Variants in RNF149 observed in about 807,000 individuals in gnomAD.
RNF149 encodes E3 ubiquitin-protein ligase RNF149.
RNF149 carries 21 observed loss-of-function variants against 39.0 expected under a neutral mutation model. The ratio of observed to expected loss-of-function variants is 0.54; its 90% CI spans 0.38 to 0.77. RNF149 has a LOEUF of 0.77. Ranked by LOEUF, RNF149 falls within the 30% of genes least tolerant of loss-of-function variation. RNF149 has a pLI of 0.00. For missense variants in RNF149, 493 were observed against 534.9 expected, an observed-to-expected ratio of 0.92 and a Z score of 0.77; for synonymous variants, 209 against 213.6, an observed-to-expected ratio of 0.98 and a Z score of 0.19.
downstream of RNF149, among the ~76,000 whole-genome samples, chr2:101,272,390 A>G (rs12621727): frequency 4.6e-5 from 7 of 152,246 alleles, no homozygotes; most frequent in East Asian, 1.3e-3. Context: ...CTCCAGCTGC[A>G]TGGCTGATTA....
chr2:101,279,547 C>T (rs1682492405), intron 6 of RNF149, among the ~76,000 whole-genome samples: 1 of 152,196 alleles, frequency 6.6e-6, no homozygotes, highest in Non-Finnish European at 1.5e-5. Flanking sequence ...CACTGGTATG[C>T]ACTCTGGCTC....
chr2:101,278,767 C>G (rs1682449688), intron 6 of RNF149, among the ~76,000 whole-genome samples: 1 of 152,212 alleles, frequency 6.6e-6, no homozygotes, highest in Non-Finnish European at 1.5e-5. Flanking sequence ...AGCTCTTGAA[C>G]TTGCTCCTAA....
downstream of RNF149, among the ~76,000 whole-genome samples, chr2:101,271,983 T>A (rs1682149147): frequency 6.6e-6 from 1 of 152,226 alleles, no homozygotes; most frequent in Admixed American, 6.5e-5. Context: ...CATGTCTCTT[T>A]TAAACAGTAT....
chr2:101,275,892 A>G lies in RNF149; in HGVS notation c.*1346T>C. ...TGAGGTTGTCTGCTAAAACCAACTC[A>G]GTGTGCAAAGCGAAATACATTTTCT... On this transcript the variant is annotated 3_prime_UTR_variant, in exon 7 of 7. Transcript: ENST00000295317. The G allele has an allele frequency of 1.0e-6, 1 of 985,366 alleles. No individual in the cohort carries two copies. The highest frequency in any genetic ancestry group is 1.1e-4 in the East Asian group (1 of 8,816). 61.0% of individuals were successfully genotyped at this position (985,366 alleles called of 1,614,324 possible). A position where few individuals can be genotyped will look rare whatever the true frequency, so the allele number is the denominator to read the frequency against.
Position 101,308,561 on chromosome 2 carries a change from C to A in RNF149, c.28G>T (p.Val10Phe), listed in dbSNP as rs759965838. Residue 10 changes from valine to phenylalanine, a missense_variant, in exon 1 of 7, where the codon GTC (valine) becomes TTC (phenylalanine). Transcript: ENST00000295317. ...AGAGCCAACACGCCGCGAGCCCCGA[C>A]GCTGGCTTCGCGCCGCCGCCACGCC... MAWRRREAS[V>F]GARGVLALAL... 2.5e-6 allele frequency: 4 copies of A among 1,577,578 alleles called. No homozygotes were observed. The Admixed American group carries it at 7.4e-5, about 29-fold the overall frequency.
At chr2:101,278,722 C>T (rs1682447472) in intron 6 of RNF149, among the ~76,000 whole-genome samples, 2 of 152,320 alleles carry the variant, frequency 1.3e-5, no homozygotes, top group South Asian at 4.1e-4. Context: ...ATACTATACA[C>T]TGTTATGAAC....
At chr2:101,286,754 T>C (rs1160368941) in intron 4 of RNF149, among the ~76,000 whole-genome samples, 2 of 152,230 alleles carry the variant, frequency 1.3e-5, no homozygotes, top group African/African-American at 2.4e-5. Flanking sequence ...TCCTGTGTGA[T>C]AGATCTATTT....
Position 101,308,167 on chromosome 2 carries a change from T to TC in RNF149, c.421dup (p.Glu141GlyfsTer24). On this transcript the variant is annotated frameshift_variant, in exon 1 of 7. Coordinates refer to ENST00000295317, the MANE Select transcript of RNF149 (RefSeq NM_173647.4). LOFTEE classifies it high-confidence loss of function. ...GGGCAAGGTGATGTTCCCGTAGCGC[T>TC]CCTCATTGTAGAGGACGACGGCCGA... is the stretch of plus-strand genomic sequence containing the variant. 6.2e-7 allele frequency: 1 copy of TC among 1,610,262 alleles called. No homozygotes were observed. The highest frequency in any genetic ancestry group is 1.1e-5 in the South Asian group (1 of 91,012).
intron 1 of RNF149, among the ~76,000 whole-genome samples, chr2:101,300,087 G>C (rs1050456179): frequency 1.3e-5 from 2 of 152,210 alleles, no homozygotes; most frequent in Admixed American, 1.3e-4. Flanking sequence ...TAAGAAAGCA[G>C]AGTAACAAAG....
chr2:101,308,173 T>C lies in RNF149; in HGVS notation c.416A>G (p.Asn139Ser), dbSNP rs143827530. 5,789 of 1,610,400 alleles carry C rather than the reference T, an allele frequency of 3.6e-3. 21 individuals are homozygous for C. The highest frequency in any genetic ancestry group is 4.6e-3 in the Non-Finnish European group (5,391 of 1,179,292). The change falls in exon 1 of 7, where the codon AAT (asparagine) becomes AGT (serine). Residue 139 changes from asparagine to serine, a missense_variant. Coordinates refer to ENST00000295317, the MANE Select transcript of RNF149 (RefSeq NM_173647.4). ...RRNASAVVLY[N>S]EERYGNITLP... The stretch of plus-strand genomic sequence containing the variant: ...GGTGATGTTCCCGTAGCGCTCCTCA[T>C]TGTAGAGGACGACGGCCGAGGCGTT...
rs1682331233 is a variant in RNF149 at position 101,275,919 on chromosome 2, C to T, written c.*1319G>A. 1.0e-6 allele frequency: 1 copy of T among 985,102 alleles called. No individual in the cohort carries two copies. Among genetic ancestry groups the T allele is most frequent in the African/African-American group, 1.7e-5 (1 of 57,224 alleles). The allele number at this position is 985,102 out of a possible 1,614,324, so 61.0% of individuals were successfully genotyped here. Reference sequence around the variant, plus strand: ...TGTGCAAAGCGAAATACATTTTCTACTTCAATAGCTCCTCATACTGCATCT... The same window carrying T: ...TGTGCAAAGCGAAATACATTTTCTATTTCAATAGCTCCTCATACTGCATCT... On this transcript the variant is annotated 3_prime_UTR_variant, in exon 7 of 7. Transcript: ENST00000295317.
chr2:101,293,252 A>T (rs1350226611), intron 3 of RNF149, among the ~76,000 whole-genome samples: 2 of 152,104 alleles, frequency 1.3e-5, no homozygotes, highest in Non-Finnish European at 2.9e-5. Context: ...TCTGAAGGGG[A>T]GTAGAGATTG....
At chr2:101,271,869 A>C (rs544518783), downstream of RNF149, 1 of 152,356 alleles carries the variant, frequency 6.6e-6, no homozygotes, top group African/African-American at 2.4e-5. Flanking sequence ...AGAAAGCTTT[A>C]AAGAAATGGT....
At position 101,308,433 on chromosome 2, in the gene RNF149, G is replaced by A; in HGVS notation, c.156C>T (p.Asn52=). The A allele has an allele frequency of 6.2e-7, 1 of 1,611,638 alleles. No homozygotes were observed. The highest frequency in any genetic ancestry group is 8.5e-7 in the Non-Finnish European group (1 of 1,179,384). Residue 52 remains asparagine, a synonymous_variant, in exon 1 of 7, where the codon AAC becomes AAT. Coordinates refer to ENST00000295317, the MANE Select transcript of RNF149 (RefSeq NM_173647.4). ...TCTCCGAGACGCTCCACACCGTCAG[G>A]TTGGTCTGCGGGTCCACGTACTCGA... is the stretch of plus-strand genomic sequence containing the variant. ...VNIEYVDPQT[N]LTVWSVSESG... is the part of the protein sequence containing the mutation.
rs1164053025 is a variant in RNF149, at chr2:101,308,491, C to T, written c.98G>A (p.Arg33Gln). The change falls in exon 1 of 7, where the codon CGG becomes CAG. Residue 33 changes from arginine to glutamine, a missense_variant. By Grantham distance (43) the Arg-to-Gln change is conservative. Coordinates refer to ENST00000295317, the MANE Select transcript of RNF149 (RefSeq NM_173647.4). ...LALCVPGARG[R>Q]ALEWFSAVVN... is the part of the protein sequence containing the mutation. ...CACGGCCGAGAACCACTCGAGAGCCCGGCCCCGGGCCCCGGGCACGCACAG... is the reference window on the plus strand; with the variant it reads ...CACGGCCGAGAACCACTCGAGAGCCTGGCCCCGGGCCCCGGGCACGCACAG... 1.2e-6 allele frequency: 2 copies of T among 1,610,704 alleles called. No homozygotes were observed. The highest frequency in any genetic ancestry group is 1.7e-6 in the Non-Finnish European group (2 of 1,179,172).
rs144500867 is a variant in RNF149, at chr2:101,300,881, G to A, written c.461-5700C>T. On this transcript the variant is annotated intron_variant, in intron 1 of 6. Transcript: ENST00000295317. ...GGTCAGTATGTGCACAACTGCAAGG[G>A]GTGCCAGGCACGGGCACCTTGCGGG... 6.6e-3 allele frequency among the ~76,000 whole-genome samples: 1,005 copies of A among 152,258 alleles called. 8 individuals carry two copies. Among genetic ancestry groups the A allele is most frequent in the African/African-American group, 0.023 (940 of 41,538 alleles).
At position 101,303,331 on chromosome 2, in the gene RNF149, T is replaced by C. The variant is rs374907948; in HGVS notation, c.460+4798A>G. Among the ~76,000 whole-genome samples the C allele has an allele frequency of 3.1e-3, 476 of 151,528 alleles. 5 individuals are homozygous for C. The highest frequency in any genetic ancestry group is 1.0e-2 in the African/African-American group (412 of 41,266). Reference sequence around the variant, plus strand: ...AGTAGAGACGGGGTTTTTGCCATGTTGGCCAGGCCAGTCTCGAACTCCTGA... The same window carrying C: ...AGTAGAGACGGGGTTTTTGCCATGTCGGCCAGGCCAGTCTCGAACTCCTGA... On this transcript the variant is annotated intron_variant, in intron 1 of 6. Transcript: ENST00000295317.
chr2:101,291,197 C>T (rs939049428), intron 3 of RNF149, among the ~76,000 whole-genome samples: 3 of 151,888 alleles, frequency 2.0e-5, no homozygotes, highest in African/African-American at 7.3e-5. Context: ...TGTCGCCAGG[C>T]TGGAGGGCAG....
chr2:101,282,349 C>T (rs1169699432), intron 5 of RNF149, among the ~76,000 whole-genome samples: 1 of 152,090 alleles, frequency 6.6e-6, no homozygotes, highest in African/African-American at 2.4e-5. Context: ...CTTCCACTTC[C>T]TTGCCTTCCC....
Sources: gnomAD v4.1 joint callset for allele counts (sites outside exome capture counted in the v4.1 genomes callset) on GRCh38, gnomAD v4.1.1 for gene constraint, MANE v1.5 for transcripts, NCBI Gene and HGNC (gene_info 2026-07-23, HGNC 2026-07-21) for gene names.